Variants in TMEM131 observed in about 807,000 individuals in gnomAD.
TMEM131 encodes 2610524E03Rik.
TMEM131 carries 66 observed loss-of-function variants against 211.6 expected under a neutral mutation model. The observed-to-expected ratio is 0.31, with a 90% confidence interval of 0.26 to 0.38. The LOEUF (loss-of-function observed/expected upper bound fraction) is 0.38, where lower values mean the gene tolerates loss of function less well. Ranked by LOEUF, TMEM131 falls within the 10% of genes least tolerant of loss-of-function variation. The pLI, the probability that TMEM131 is intolerant of heterozygous loss-of-function variation, is 1.00. For missense variants in TMEM131, 2,036 were observed against 2,299.3 expected (o/e 0.89, Z 2.34); for synonymous variants, 844 against 841.3 (o/e 1.00, Z -0.06).
intron 4 of TMEM131, among the ~76,000 whole-genome samples, chr2:97,886,817 A>G (rs1407157637): frequency 1.3e-5 from 2 of 152,198 alleles, no homozygotes; most frequent in Non-Finnish European, 2.9e-5. Flanking sequence ...TCTCAGGCCT[A>G]GCTATCTGTG....
At chr2:97,941,520 C>T (rs893057432) in intron 1 of TMEM131, among the ~76,000 whole-genome samples, 6 of 152,156 alleles carry the variant, frequency 3.9e-5, no homozygotes, top group Non-Finnish European at 1.5e-5. Context: ...AAGAAACTAC[C>T]ATCAGAGTGA....
chr2:97,792,666 G>A lies in TMEM131; in HGVS notation c.3864C>T (p.His1288=), dbSNP rs749575374. Reference sequence around the variant, plus strand: ...GGCTGTGGGCATGGTGCTGGCTGCCGTGCTGGCTCTGCTTTGCCCCTTTGG... The same window carrying A: ...GGCTGTGGGCATGGTGCTGGCTGCCATGCTGGCTCTGCTTTGCCCCTTTGG... The part of the protein sequence containing the change: ...RKSKGAKQSQ[H]GSQHHAHSPL... Residue 1288 remains histidine, a synonymous_variant, in exon 31 of 41, where the codon CAC becomes CAT. Coordinates refer to ENST00000186436, the MANE Select transcript of TMEM131 (RefSeq NM_015348.2). 82 of 1,613,990 alleles carry A rather than the reference G, an allele frequency of 5.1e-5. No individual in the cohort carries two copies. The highest frequency in any genetic ancestry group is 1.6e-4 in the Middle Eastern group (1 of 6,062).
chr2:97,982,095 G>A (rs1679823558), intron 1 of TMEM131, among the ~76,000 whole-genome samples: 1 of 152,110 alleles, frequency 6.6e-6, no homozygotes, highest in Non-Finnish European at 1.5e-5. Context: ...GTATTTTCAG[G>A]ACCTACCAAA....
At chr2:97,843,262 T>C (rs900674393) in intron 6 of TMEM131, among the ~76,000 whole-genome samples, 3 of 152,180 alleles carry the variant, frequency 2.0e-5, no homozygotes, top group African/African-American at 4.8e-5. Context: ...CAAGAATAAC[T>C]GTACCTATAA....
intron 11 of TMEM131, among the ~76,000 whole-genome samples, chr2:97,832,005 A>AG (rs59548931): frequency 4.3e-5 from 1 of 23,214 alleles, no homozygotes; most frequent in Non-Finnish European, 1.2e-4. Flanking sequence ...AGTCACTTCC[A>AG]AAAAAAAAAA....
chr2:97,959,391 T>C (rs1249974025), intron 1 of TMEM131, among the ~76,000 whole-genome samples: 3 of 152,214 alleles, frequency 2.0e-5, no homozygotes, highest in Non-Finnish European at 2.9e-5. Context: ...GAAGAGCCAC[T>C]GTGGTCCTGA....
rs775429376 is a variant in TMEM131, at chr2:97,844,164, T to C, written c.581A>G (p.His194Arg). 8.8e-5 allele frequency: 100 copies of C among 1,140,606 alleles called. No homozygotes were observed. Among genetic ancestry groups the C allele is most frequent in the Non-Finnish European group, 1.2e-4 (98 of 847,798 alleles). The allele number at this position is 1,140,606 out of a possible 1,614,324, so 70.7% of individuals were successfully genotyped here. A position where few individuals can be genotyped will look rare whatever the true frequency, so the allele number is the denominator to read the frequency against. Reference protein sequence around the residue: ...ENTLFINTSNHGVFTYQVFGV... With the variant: ...ENTLFINTSNRGVFTYQVFGV... ...TCTTACCTGGTAAGTAAATACCCCA[T>C]GATTAGATGTATTAATAAATAAAGT... The change falls in exon 6 of 41, where the codon CAT (histidine) becomes CGT (arginine). Residue 194 changes from histidine to arginine, a missense_variant. His to Arg is a conservative substitution (Grantham distance 29, BLOSUM62 0). Around this residue, in one of 3 missense-constraint regions of TMEM131, gnomAD observed 277 missense variants for 378.0 expected, o/e 0.73. Transcript: ENST00000186436.
intron 2 of TMEM131, chr2:97,913,163 G>A (rs181347904): frequency 7.2e-5 from 11 of 152,266 alleles, no homozygotes; most frequent in African/African-American, 2.4e-4. Context: ...CTAACATTAA[G>A]TGTGTAGAGT....
At chr2:97,828,884 G>A (rs756602182) in intron 11 of TMEM131, among the ~76,000 whole-genome samples, 3 of 152,050 alleles carry the variant, frequency 2.0e-5, no homozygotes, top group Non-Finnish European at 2.9e-5. Context: ...GCTATTACTC[G>A]CCTTTGGGCC....
chr2:97,892,785 CTATT>C (rs1428628407), intron 3 of TMEM131, among the ~76,000 whole-genome samples: 1 of 152,048 alleles, frequency 6.6e-6, no homozygotes, highest in Non-Finnish European at 1.5e-5. Flanking sequence ...AGACATGAGC[CTATT>C]TATTATTGTC....
chr2:97,963,140 G>T (rs796695727), intron 1 of TMEM131, among the ~76,000 whole-genome samples: 6 of 152,234 alleles, frequency 3.9e-5, no homozygotes, highest in African/African-American at 1.4e-4. Context: ...TCAAACTAGT[G>T]AATATTACTG....
intron 1 of TMEM131, among the ~76,000 whole-genome samples, chr2:97,972,565 G>C (rs865783258): frequency 2.6e-5 from 4 of 152,056 alleles, no homozygotes; most frequent in East Asian, 1.9e-4. Context: ...ATCAATCTGT[G>C]GTGGGCAAAA....
At chr2:97,903,733 G>A (rs373512792) in intron 3 of TMEM131, among the ~76,000 whole-genome samples, 16 of 152,200 alleles carry the variant, frequency 1.1e-4, no homozygotes, top group African/African-American at 3.9e-4. Context: ...GCCCAGGCTG[G>A]AGTGCAATGG....
At position 97,841,913 on chromosome 2, in the gene TMEM131, G is replaced by C; in HGVS notation, c.625C>G (p.Pro209Ala). The C allele has an allele frequency of 6.3e-7, 1 of 1,583,130 alleles. No individual in the cohort carries two copies. Among genetic ancestry groups the C allele is most frequent in the South Asian group, 1.2e-5 (1 of 85,678 alleles). Reference protein sequence around the residue: ...YQVFGVGVPNPYRLRPFLGAR... With the variant: ...YQVFGVGVPNAYRLRPFLGAR... ...CCAAGGAACGGCCTCAATCGATATG[G>C]ATTTGGAACTCCAACACCAAATACC... is the stretch of plus-strand genomic sequence containing the variant. The change falls in exon 7 of 41, where the codon CCA (proline) becomes GCA (alanine). Residue 209 changes from proline to alanine, a missense_variant. This residue lies in a region of TMEM131 where 277 missense variants were observed against 378.0 expected (regional missense o/e 0.73). Coordinates refer to ENST00000186436, the MANE Select transcript of TMEM131 (RefSeq NM_015348.2).
intron 11 of TMEM131, among the ~76,000 whole-genome samples, chr2:97,830,604 G>C (rs1394234421): frequency 6.6e-6 from 1 of 152,220 alleles, no homozygotes; most frequent in African/African-American, 2.4e-5. Context: ...ATGTTAAGCT[G>C]ATATTATGAT....
chr2:97,793,082 A>C, intron 30 of TMEM131, 98 bp from the exon 31 acceptor site: 1 of 895,842 alleles, frequency 1.1e-6, no homozygotes, highest in Non-Finnish European at 1.6e-6. Context: ...CCATAAATAT[A>C]AACTACACTA....
At chr2:97,880,336 G>A (rs1458148313) in intron 4 of TMEM131, among the ~76,000 whole-genome samples, 1 of 152,144 alleles carries the variant, frequency 6.6e-6, no homozygotes, top group African/African-American at 2.4e-5. Context: ...TTTTGGGGGA[G>A]GGGAAGTGGG....
intron 1 of TMEM131, among the ~76,000 whole-genome samples, chr2:97,954,986 G>A (rs1559472658): frequency 6.6e-6 from 1 of 151,908 alleles, no homozygotes; most frequent in African/African-American, 2.4e-5. Flanking sequence ...TGAAGCTAGT[G>A]TATTACTCTT....
At chr2:97,969,016 G>A (rs1263025597) in intron 1 of TMEM131, among the ~76,000 whole-genome samples, 1 of 151,068 alleles carries the variant, frequency 6.6e-6, no homozygotes, top group Non-Finnish European at 1.5e-5. Context: ...CTAGGAGATC[G>A]AGGCTGCAGT....
Sources: allele counts gnomAD v4.1 joint callset (sites outside exome capture counted in the v4.1 genomes callset), GRCh38; gene constraint gnomAD v4.1.1; regional missense constraint gnomAD v4.1.1; transcripts MANE v1.5; gene names NCBI Gene and HGNC (gene_info 2026-07-23, HGNC 2026-07-21).